ATP12A: variants seen among roughly 807,000 people sequenced by gnomAD.
The protein encoded by ATP12A is ATPase H+/K+ transporting non-gastric alpha2 subunit.
Under a neutral mutation model 111.2 loss-of-function variants are expected in ATP12A, and 81 were observed. The ratio of observed to expected loss-of-function variants is 0.73; its 90% CI spans 0.61 to 0.88. The LOEUF (loss-of-function observed/expected upper bound fraction) is 0.88, where lower values mean the gene tolerates loss of function less well. ATP12A is among the 40% of genes least tolerant of loss of function. ATP12A has a pLI of 0.00. For missense variants in ATP12A, 1,196 were observed against 1,313.1 expected, an observed-to-expected ratio of 0.91 and a Z score of 1.38; for synonymous variants, 498 against 499.8, an observed-to-expected ratio of 1.00 and a Z score of 0.05.
chr13:24,709,169 G>A (rs1875843551), intron 17 of ATP12A, among the ~76,000 whole-genome samples, 195 bp from the exon 18 acceptor site: 4 of 152,144 alleles, frequency 2.6e-5, no homozygotes, highest in Admixed American at 2.0e-4. Context: ...GTGATAAAAA[G>A]CAGCTGATTT....
intron 2 of ATP12A, among the ~76,000 whole-genome samples, chr13:24,682,446 G>A (rs1174500674): frequency 1.4e-5 from 2 of 144,880 alleles, no homozygotes; most frequent in Non-Finnish European, 3.0e-5. Context: ...TCCACCCAGA[G>A]GTCAGGGCCT....
At chr13:24,706,597 C>T (rs960861538) in intron 15 of ATP12A, 134 bp downstream of exon 15, 2 of 1,313,232 alleles carry the variant, frequency 1.5e-6, no homozygotes, top group African/African-American at 1.5e-5. Flanking sequence ...TCCCCATCAC[C>T]TGACCTCTCC....
chr13:24,692,376 G>T, intron 8 of ATP12A, 53 bp from the exon 9 acceptor site: 2 of 1,561,122 alleles, frequency 1.3e-6, no homozygotes, highest in South Asian at 1.1e-5. Flanking sequence ...TGTATTATTG[G>T]ACCTGAGTTC....
At chr13:24,697,645 A>G (rs1260567922) in intron 11 of ATP12A, among the ~76,000 whole-genome samples, 1 of 138,422 alleles carries the variant, frequency 7.2e-6, no homozygotes, top group Non-Finnish European at 1.7e-5. Context: ...GTCTCAAAAA[A>G]AAAAAAAAAA....
chr13:24,696,062 A>G (rs913697389), intron 11 of ATP12A, among the ~76,000 whole-genome samples: 1 of 152,230 alleles, frequency 6.6e-6, no homozygotes, highest in African/African-American at 2.4e-5. Context: ...AAGTGAAAAT[A>G]GAGTGCGCAA....
intron 15 of ATP12A, 64 bp downstream of exon 15, chr13:24,706,527 G>T: frequency 6.4e-7 from 1 of 1,570,080 alleles, no homozygotes; most frequent in South Asian, 1.2e-5. Context: ...AAGTGCAGAG[G>T]TCTGGATCTC....
rs758697687 is a variant in ATP12A, at chr13:24,707,312, T to C, written c.2372T>C (p.Ile791Thr). 40 of 1,614,076 alleles carry C rather than the reference T, an allele frequency of 2.5e-5. No individual in the cohort carries two copies. The highest frequency in any genetic ancestry group is 3.1e-5 in the Non-Finnish European group (37 of 1,180,044). Reference protein sequence around the residue: ...RLIFDNLKKTIAYSLTKNIAE... With the variant: ...RLIFDNLKKTTAYSLTKNIAE... ...ATCTTTGACAACCTCAAGAAGACTA[T>C]TGCTTATTCCCTGACCAAGAACATT... The change falls in exon 17 of 23, where the codon ATT (isoleucine) becomes ACT (threonine). Residue 791 changes from isoleucine to threonine, a missense_variant. Transcript: ENST00000381946.
Position 24,690,980 on chromosome 13 carries a change from AG to A in ATP12A, c.800del. The A allele has an allele frequency of 6.2e-7, 1 of 1,614,030 alleles. No individual in the cohort carries two copies. The highest frequency in any genetic ancestry group is 8.5e-7 in the Non-Finnish European group (1 of 1,179,916). On this transcript the variant is annotated splice_acceptor_variant, in intron 7 of 22. Transcript: ENST00000381946. LOFTEE classifies it high-confidence loss of function. ...GGAATAAAGCATCTACTTCCCCTGT[AG>A]GCACTGTCACCGGCATGGTTATCAA...
chr13:24,688,099 A>G (rs1351571007), intron 3 of ATP12A, among the ~76,000 whole-genome samples: 5 of 152,150 alleles, frequency 3.3e-5, no homozygotes, highest in African/African-American at 7.2e-5. Context: ...GAGTGAATAT[A>G]CAGAGCACAG....
intron 10 of ATP12A, 93 bp downstream of exon 10, chr13:24,692,989 G>A (rs878891335): frequency 8.0e-7 from 1 of 1,250,458 alleles, no homozygotes; most frequent in South Asian, 1.3e-5. Context: ...CTCTCCAGTT[G>A]CTTAAAGTTT....
At chr13:24,704,045 G>T (rs1471126323) in intron 14 of ATP12A, among the ~76,000 whole-genome samples, 1 of 151,296 alleles carries the variant, frequency 6.6e-6, no homozygotes, top group African/African-American at 2.4e-5. Flanking sequence ...GCCTAGGCTG[G>T]AGTGTGGAGT....
At chr13:24,704,696 GA>G in intron 14 of ATP12A, 1 of 228,458 alleles carries the variant, frequency 4.4e-6, no homozygotes, top group South Asian at 5.5e-5. Context: ...TGGAACGAGA[GA>G]AAGACATAAT....
At chr13:24,708,393 C>T (rs1466715059) in intron 17 of ATP12A, among the ~76,000 whole-genome samples, 1 of 152,184 alleles carries the variant, frequency 6.6e-6, no homozygotes, top group African/African-American at 2.4e-5. Flanking sequence ...AAATTGCCCC[C>T]TTCCCCTCTC....
At chr13:24,709,583 G>A in intron 18 of ATP12A, 96 bp downstream of exon 18, 1 of 1,594,132 alleles carries the variant, frequency 6.3e-7, no homozygotes, top group East Asian at 2.3e-5. Context: ...TTTCCTGTGG[G>A]GCCTGGGTTG....
chr13:24,688,499 G>A lies in ATP12A; in HGVS notation c.409G>A (p.Asp137Asn), dbSNP rs1874753785. 15 of 1,603,490 alleles carry A rather than the reference G, an allele frequency of 9.4e-6. No homozygotes were observed. Among genetic ancestry groups the A allele is most frequent in the East Asian group, 4.5e-5 (2 of 44,662 alleles). ...TGCATATGGGATTCAGTACTCCAGC[G>A]ACAAGTCTGCATCCCTGAACAACGT... Reference protein sequence around the residue: ...WIAYGIQYSSDKSASLNNVYL... With the variant: ...WIAYGIQYSSNKSASLNNVYL... Residue 137 changes from aspartate to asparagine, a missense_variant, in exon 4 of 23, where the codon GAC (aspartate) becomes AAC (asparagine). Coordinates refer to ENST00000381946, the MANE Select transcript of ATP12A (RefSeq NM_001676.7).
At position 24,692,446 on chromosome 13, in the gene ATP12A, A is replaced by T. The variant is rs543553750; in HGVS notation, c.1086A>T (p.Thr362=). 38 of 1,613,776 alleles carry T rather than the reference A, an allele frequency of 2.4e-5. No homozygotes were observed. Among genetic ancestry groups the T allele is most frequent in the Non-Finnish European group, 3.0e-5 (35 of 1,180,028 alleles). Residue 362 remains threonine (T), a synonymous_variant, in exon 9 of 23, where the codon ACA becomes ACT. Transcript: ENST00000381946. ...CCTGCTAGGTGACCCTGTCGCTGACAGCAAAACGGATGGCCAAGAAGAACT... is the reference window on the plus strand; with the variant it reads ...CCTGCTAGGTGACCCTGTCGCTGACTGCAAAACGGATGGCCAAGAAGAACT... ...LATVTVTLSL[T]AKRMAKKNCL...
chr13:24,680,742 G>A lies in ATP12A; in HGVS notation c.-2G>A. The A allele has an allele frequency of 6.6e-7, 1 of 1,503,956 alleles. No homozygotes were observed. The highest frequency in any genetic ancestry group is 8.8e-7 in the Non-Finnish European group (1 of 1,133,746). The allele number at this position is 1,503,956 out of a possible 1,614,324, so 93.2% of individuals were successfully genotyped here. A position where few individuals can be genotyped will look rare whatever the true frequency, so the allele number is the denominator to read the frequency against. ...CGCAGCCCGCGGCGCCACCAGCCCAGCATGCACCAGGTGCGTGCAGCCCCC... is the reference window on the plus strand; with the variant it reads ...CGCAGCCCGCGGCGCCACCAGCCCAACATGCACCAGGTGCGTGCAGCCCCC... On this transcript the variant is annotated 5_prime_UTR_variant, in exon 1 of 23. Coordinates refer to ENST00000381946, the MANE Select transcript of ATP12A (RefSeq NM_001676.7).
chr13:24,701,011 A>C, intron 13 of ATP12A, 89 bp downstream of exon 13: 1 of 1,406,094 alleles, frequency 7.1e-7, no homozygotes, highest in Non-Finnish European at 9.7e-7. Flanking sequence ...GTCAGTATTT[A>C]GGTGTCTTCA....
intron 7 of ATP12A, 68 bp from the exon 8 acceptor site, chr13:24,690,914 G>A: frequency 1.9e-6 from 3 of 1,590,520 alleles, no homozygotes; most frequent in Non-Finnish European, 2.6e-6. Context: ...CCCAGAGAGG[G>A]CTGCAAGCTG....
Sources: allele counts gnomAD v4.1 joint callset (sites outside exome capture counted in the v4.1 genomes callset), GRCh38; gene constraint gnomAD v4.1.1; transcripts MANE v1.5; gene names NCBI Gene and HGNC (gene_info 2026-07-23, HGNC 2026-07-21).